MDGA2: variants seen among roughly 807,000 people sequenced by gnomAD.
MDGA2 encodes the protein MAM domain-containing glycosylphosphatidylinositol anchor protein 2.
Under a neutral mutation model 117.8 loss-of-function variants are expected in MDGA2, and 40 were observed. The observed-to-expected ratio is 0.34, with a 90% CI of 0.26 to 0.44. MDGA2 has a LOEUF of 0.44. Ranked by LOEUF, MDGA2 falls within the 20% of genes least tolerant of loss-of-function variation. The pLI is 1.00. For missense variants in MDGA2, 1,123 were observed against 1,250.6 expected (o/e 0.90, Z 1.54); for synonymous variants, 452 against 439.0 (o/e 1.03, Z -0.37).
chr14:47,610,576 A>AAACAACAACAACAAC (rs569248521), intron 1 of MDGA2, among the ~76,000 whole-genome samples: 12 of 151,524 alleles, frequency 7.9e-5, no homozygotes, highest in African/African-American at 2.4e-4. Flanking sequence ...AAAAACAAAC[A>AAACAACAACAACAAC]AACAACAACA....
chr14:47,610,884 A>C (rs976896225), intron 1 of MDGA2, among the ~76,000 whole-genome samples: 8 of 152,124 alleles, frequency 5.3e-5, no homozygotes, highest in African/African-American at 1.9e-4. Context: ...GAAACCAAAA[A>C]AGAGCCCGCA....
At chr14:47,088,821 T>C (rs1284932246) in intron 6 of MDGA2, among the ~76,000 whole-genome samples, 5 of 152,274 alleles carry the variant, frequency 3.3e-5, no homozygotes, top group African/African-American at 1.2e-4. Flanking sequence ...AACTACAAAT[T>C]CTTTAAAAGT....
intron 1 of MDGA2, among the ~76,000 whole-genome samples, chr14:47,539,317 A>G (rs1052690414): frequency 2.0e-5 from 3 of 152,168 alleles, no homozygotes; most frequent in Non-Finnish European, 4.4e-5. Context: ...GCAAAACCAA[A>G]TCACACCAGA....
chr14:47,255,353 C>G (rs1325005038), intron 2 of MDGA2, among the ~76,000 whole-genome samples: 1 of 152,084 alleles, frequency 6.6e-6, no homozygotes, highest in African/African-American at 2.4e-5. Flanking sequence ...AGAGTGGTGG[C>G]AGGGGACTGA....
chr14:47,207,259 T>C lies in MDGA2; in HGVS notation c.595+10762A>G, dbSNP rs554874515. Among the ~76,000 whole-genome samples, 12 of 151,888 alleles carry C rather than the reference T, an allele frequency of 7.9e-5. No individual in the cohort carries two copies. The South Asian group carries it at 2.5e-3, about 32-fold the overall frequency. ...GAGGTGAGGTCGAAGGATGTTGCTT[T>C]AGGAGGATGAGGAATTTAATTTCAA... On this transcript the variant is annotated intron_variant, in intron 3 of 16. Transcript: ENST00000399232.
At chr14:47,075,695 T>C (rs952328152) in intron 6 of MDGA2, among the ~76,000 whole-genome samples, 3 of 152,146 alleles carry the variant, frequency 2.0e-5, no homozygotes, top group Non-Finnish European at 2.9e-5. Flanking sequence ...ATATAAAGAA[T>C]GATAAAGTAA....
At chr14:47,223,854 G>A (rs772084194) in intron 2 of MDGA2, among the ~76,000 whole-genome samples, 1 of 152,112 alleles carries the variant, frequency 6.6e-6, no homozygotes, top group African/African-American at 2.4e-5. Context: ...ATGGGGGAAG[G>A]GGAAGCAAAA....
At chr14:47,488,889 A>G (rs1248756973) in intron 1 of MDGA2, among the ~76,000 whole-genome samples, 4 of 152,062 alleles carry the variant, frequency 2.6e-5, no homozygotes, top group African/African-American at 9.7e-5. Flanking sequence ...TTTTCCTCTT[A>G]GATAAGAGGA....
intron 7 of MDGA2, among the ~76,000 whole-genome samples, chr14:47,042,169 A>G (rs1255371709): frequency 6.6e-6 from 1 of 152,098 alleles, no homozygotes; most frequent in Non-Finnish European, 1.5e-5. Context: ...AAAACTTCAG[A>G]GATACTATGT....
At chr14:47,475,217 A>G (rs1281884782) in intron 1 of MDGA2, among the ~76,000 whole-genome samples, 1 of 152,182 alleles carries the variant, frequency 6.6e-6, no homozygotes, top group Non-Finnish European at 1.5e-5. Context: ...GCCAAGAAAC[A>G]TATTGAAGGT....
intron 3 of MDGA2, among the ~76,000 whole-genome samples, chr14:47,190,555 T>G (rs1240286886): frequency 6.6e-6 from 1 of 152,162 alleles, no homozygotes; most frequent in Non-Finnish European, 1.5e-5. Flanking sequence ...AACATTATCT[T>G]TGGCTACGTA....
intron 1 of MDGA2, among the ~76,000 whole-genome samples, chr14:47,591,479 C>A (rs1259712558): frequency 6.6e-6 from 1 of 152,012 alleles, no homozygotes; most frequent in Non-Finnish European, 1.5e-5. Context: ...CCAAACCTGG[C>A]AGAGATACAA....
At chr14:47,665,039 G>C (rs1260215211) in intron 1 of MDGA2, among the ~76,000 whole-genome samples, 2 of 151,976 alleles carry the variant, frequency 1.3e-5, no homozygotes, top group African/African-American at 4.8e-5. Flanking sequence ...TTTCTAGTTG[G>C]GGTAAACTTT....
intron 1 of MDGA2, among the ~76,000 whole-genome samples, chr14:47,528,360 C>T (rs1262939067): frequency 6.6e-6 from 1 of 152,188 alleles, no homozygotes; most frequent in African/African-American, 2.4e-5. Flanking sequence ...CCTCTGAGAG[C>T]TTATCTTCTA....
chr14:47,077,434 T>A (rs778522015), intron 6 of MDGA2, among the ~76,000 whole-genome samples: 2 of 152,156 alleles, frequency 1.3e-5, no homozygotes, highest in African/African-American at 4.8e-5. Context: ...ATTACTGTTA[T>A]TTTTTGTTTT....
At chr14:47,462,386 A>AAC (rs1173985912) in intron 1 of MDGA2, among the ~76,000 whole-genome samples, 2 of 151,534 alleles carry the variant, frequency 1.3e-5, no homozygotes, top group Non-Finnish European at 2.9e-5. Flanking sequence ...AAAAAAAAAA[A>AAC]AAAAAAGAAA....
rs527920224 is a variant in MDGA2, at chr14:47,073,084, T to C, written c.1196-11506A>G. On this transcript the variant is annotated intron_variant, in intron 6 of 16. Coordinates refer to ENST00000399232, the MANE Select transcript of MDGA2 (RefSeq NM_001113498.3). ...ATTTCCAGATCTCTTCAGAAGATGA[T>C]AAAAATGTTGAGGGCTCAATATTAA... Among the ~76,000 whole-genome samples the C allele has an allele frequency of 2.6e-5, 4 of 152,188 alleles. No individual in the cohort carries two copies. In the South Asian group the frequency reaches 6.2e-4, roughly 24 times the overall value.
chr14:47,490,925 A>C (rs1051682278), intron 1 of MDGA2, among the ~76,000 whole-genome samples: 26 of 152,060 alleles, frequency 1.7e-4, no homozygotes. Context: ...TATATGCAAT[A>C]AGAGGGAACA....
At chr14:47,005,998 A>G (rs1285269205) in intron 8 of MDGA2, among the ~76,000 whole-genome samples, 1 of 151,546 alleles carries the variant, frequency 6.6e-6, no homozygotes, top group African/African-American at 2.4e-5. Flanking sequence ...TACACTTTTC[A>G]GAATGTTTTC....
Sources: allele counts gnomAD v4.1 joint callset (sites outside exome capture counted in the v4.1 genomes callset), GRCh38; gene constraint gnomAD v4.1.1; transcripts MANE v1.5; gene names NCBI Gene and HGNC (gene_info 2026-07-23, HGNC 2026-07-21).